The following PALLD variants were observed in gnomAD, a reference collection of about 807,000 sequenced individuals.
PALLD encodes palladin.
PALLD carries 61 observed loss-of-function variants against 123.5 expected under a neutral mutation model. That is an observed-to-expected ratio of 0.49 (90% confidence interval 0.40 to 0.61). The LOEUF (loss-of-function observed/expected upper bound fraction) is 0.61. Among genes scored for constraint, PALLD ranks in the 20% least tolerant of loss-of-function variants. The pLI is 0.00. For missense variants in PALLD, 1,273 were observed against 1,377.0 expected, an observed-to-expected ratio of 0.92 and a Z score of 1.20; for synonymous variants, 465 against 496.4, an observed-to-expected ratio of 0.94 and a Z score of 0.84.
intron 10 of PALLD, among the ~76,000 whole-genome samples, chr4:168,801,775 G>T (rs72988915): frequency 6.6e-6 from 1 of 152,186 alleles, no homozygotes; most frequent in South Asian, 2.1e-4. Context: ...CAGAGGCACC[G>T]CTGGGTGTCA....
At chr4:168,600,159 CTG>C (rs1016753652) in intron 2 of PALLD, among the ~76,000 whole-genome samples, 1 of 148,492 alleles carries the variant, frequency 6.7e-6, no homozygotes, top group African/African-American at 2.5e-5. Flanking sequence ...ACTATATAAA[CTG>C]TGTTTGTGTG....
intron 2 of PALLD, among the ~76,000 whole-genome samples, chr4:168,667,196 A>G (rs1025848012): frequency 6.6e-6 from 1 of 152,188 alleles, no homozygotes; most frequent in African/African-American, 2.4e-5. Flanking sequence ...CAGAAAAAAC[A>G]TGTCTTCCGT....
intron 10 of PALLD, chr4:168,831,966 C>A (rs753582855): frequency 4.6e-5 from 45 of 980,464 alleles, no homozygotes; most frequent in Non-Finnish European, 5.5e-5. Context: ...GAGCTGCGAG[C>A]CACGCCTCCT....
intron 2 of PALLD, among the ~76,000 whole-genome samples, chr4:168,605,070 T>A (rs1040892588): frequency 2.0e-5 from 3 of 152,174 alleles, no homozygotes; most frequent in Admixed American, 2.0e-4. Flanking sequence ...AAACTGCCCC[T>A]CTGGTGCAGA....
chr4:168,755,085 T>G (rs1731612329), intron 10 of PALLD, among the ~76,000 whole-genome samples: 1 of 151,954 alleles, frequency 6.6e-6, no homozygotes, highest in Non-Finnish European at 1.5e-5. Flanking sequence ...ACAAAAAAAT[T>G]AGCCAGGCGT....
At position 168,512,078 on chromosome 4, in the gene PALLD, A is replaced by G. The variant is rs1762575507; in HGVS notation, c.574A>G (p.Ser192Gly). 1 of 1,614,252 alleles carries G rather than the reference A, an allele frequency of 6.2e-7. No individual in the cohort carries two copies. Among genetic ancestry groups the G allele is most frequent in the East Asian group, 2.2e-5 (1 of 44,890 alleles). ...TAAAGCCGCAAAGCCAAGAAACAGA[A>G]GCCCAAATGGGGAGTCCTCGTCACC... The part of the protein sequence containing the change: ...IFKAAKPRNR[S>G]PNGESSSPDS... Residue 192 changes from serine (S) to glycine (G), a missense_variant, in exon 2 of 22, where the codon AGC becomes GGC. By Grantham distance (56) the Ser-to-Gly change is moderately conservative. This residue lies in a region of PALLD where 944 missense variants were observed against 954.5 expected (regional missense o/e 0.99). Coordinates refer to ENST00000505667, the MANE Select transcript of PALLD (RefSeq NM_001166108.2).
At chr4:168,700,329 A>AT (rs1355013495) in intron 8 of PALLD, 2 of 153,170 alleles carry the variant, frequency 1.3e-5, no homozygotes, top group East Asian at 3.8e-4. Context: ...CCTAGTGTTT[A>AT]TTTTTTATTT....
Position 168,681,362 on chromosome 4 carries a change from G to A in PALLD, c.1118G>A (p.Ser373Asn). Residue 373 changes from serine to asparagine, a missense_variant, in exon 4 of 22, where the codon AGT becomes AAT. By Grantham distance (46) the Ser-to-Asn change is conservative. Around this residue, in one of 2 missense-constraint regions of PALLD, gnomAD observed 944 missense variants for 954.5 expected, o/e 0.99. Transcript: ENST00000505667. ...GASSTDSDSE[S>N]LAFKSRAGAM... ...AGTTCAACAGATTCTGACAGTGAAA[G>A]TTTAGCTTTCAAATCAAGAGCTGGA... 6.2e-7 allele frequency: 1 copy of A among 1,609,774 alleles called. No individual in the cohort carries two copies. Among genetic ancestry groups the A allele is most frequent in the Non-Finnish European group, 8.5e-7 (1 of 1,176,336 alleles).
chr4:168,888,915 T>A (rs1396198806), intron 10 of PALLD, among the ~76,000 whole-genome samples: 4 of 152,106 alleles, frequency 2.6e-5, no homozygotes, highest in Admixed American at 2.0e-4. Flanking sequence ...GTGCATGGCA[T>A]CATGACTTAG....
At position 168,512,253 on chromosome 4, in the gene PALLD, C is replaced by G; in HGVS notation, c.749C>G (p.Ala250Gly). 6.2e-7 allele frequency: 1 copy of G among 1,614,072 alleles called. No individual in the cohort carries two copies. The highest frequency in any genetic ancestry group is 1.6e-4 in the Middle Eastern group (1 of 6,062). Residue 250 changes from alanine (A) to glycine (G), a missense_variant, in exon 2 of 22, where the codon GCA (alanine) becomes GGA (glycine). Around this residue, in one of 2 missense-constraint regions of PALLD, gnomAD observed 944 missense variants for 954.5 expected, o/e 0.99. Coordinates refer to ENST00000505667, the MANE Select transcript of PALLD (RefSeq NM_001166108.2). Reference sequence around the variant, plus strand: ...TGCTACCAGGACAACCAGGACTTGGCAGTGCCACACAACCGCAAGTCTCAC... The same window carrying G: ...TGCTACCAGGACAACCAGGACTTGGGAGTGCCACACAACCGCAAGTCTCAC... Reference protein sequence around the residue: ...RHCYQDNQDLAVPHNRKSHPQ... With the variant: ...RHCYQDNQDLGVPHNRKSHPQ...
At chr4:168,653,172 A>C (rs1778217527) in intron 2 of PALLD, among the ~76,000 whole-genome samples, 1 of 152,208 alleles carries the variant, frequency 6.6e-6, no homozygotes, top group Non-Finnish European at 1.5e-5. Flanking sequence ...GAATAATTTT[A>C]GCCATAAGAA....
rs587780197 is a variant in PALLD at position 168,898,598 on chromosome 4, G to A, written c.2356G>A (p.Val786Met). The change falls in exon 14 of 22, where the codon GTG (valine) becomes ATG (methionine). Residue 786 changes from valine (V) to methionine (M), a missense_variant. Coordinates refer to ENST00000505667, the MANE Select transcript of PALLD (RefSeq NM_001166108.2). ...AGGTGATGAAGTTCAGTATGGAGAT[G>A]TGCCTGTGGAAAATGGAATGGCACC... ...ESGDEVQYGD[V>M]PVENGMAPFF... The A allele has an allele frequency of 2.2e-5, 35 of 1,613,574 alleles. No homozygotes were observed. The highest frequency in any genetic ancestry group is 3.3e-4 in the Middle Eastern group (2 of 6,084).
intron 2 of PALLD, among the ~76,000 whole-genome samples, chr4:168,545,063 G>T (rs950759471): frequency 1.3e-5 from 2 of 152,158 alleles, no homozygotes; most frequent in Non-Finnish European, 2.9e-5. Context: ...CCTGTGAGAG[G>T]AAATCAAAGT....
chr4:168,663,323 A>C (rs1347432359), intron 2 of PALLD, among the ~76,000 whole-genome samples: 1 of 152,026 alleles, frequency 6.6e-6, no homozygotes, highest in Non-Finnish European at 1.5e-5. Context: ...AGCAAGGGGG[A>C]AATGTGGACA....
chr4:168,841,108 C>A (rs1561587324), intron 10 of PALLD, among the ~76,000 whole-genome samples: 1 of 152,158 alleles, frequency 6.6e-6, no homozygotes, highest in Non-Finnish European at 1.5e-5. Flanking sequence ...CTCGGTCTCC[C>A]AAAGTGCTGA....
At chr4:168,871,570 G>A (rs1751081394) in intron 10 of PALLD, among the ~76,000 whole-genome samples, 1 of 152,154 alleles carries the variant, frequency 6.6e-6, no homozygotes, top group Non-Finnish European at 1.5e-5. Context: ...GGAACAGTCG[G>A]TATTAATTCA....
intron 10 of PALLD, among the ~76,000 whole-genome samples, chr4:168,727,493 G>T (rs1186226834): frequency 6.6e-6 from 1 of 152,078 alleles, no homozygotes; most frequent in East Asian, 1.9e-4. Context: ...TCATATGTTT[G>T]TTGGCTGCTT....
intron 2 of PALLD, among the ~76,000 whole-genome samples, chr4:168,636,759 T>A (rs1055129859): frequency 6.6e-6 from 1 of 152,176 alleles, no homozygotes; most frequent in Non-Finnish European, 1.5e-5. Flanking sequence ...ATATCAGCCC[T>A]TTTCTTACAG....
intron 10 of PALLD, among the ~76,000 whole-genome samples, chr4:168,794,425 A>G (rs1309056307): frequency 6.7e-6 from 1 of 149,486 alleles, no homozygotes; most frequent in Non-Finnish European, 1.5e-5. Context: ...GCGCACACGC[A>G]TGCGCGCGCA....
Sources: allele counts gnomAD v4.1 joint callset (sites outside exome capture counted in the v4.1 genomes callset), GRCh38; gene constraint gnomAD v4.1.1; regional missense constraint gnomAD v4.1.1; transcripts MANE v1.5; gene names NCBI Gene and HGNC (gene_info 2026-07-23, HGNC 2026-07-21).